The following OC90 variants were observed in gnomAD, a reference collection of about 807,000 sequenced individuals.
OC90 encodes otoconin-90.
A neutral mutation model predicts 47.3 loss-of-function variants in OC90; 46 were observed. The ratio of observed to expected loss-of-function variants is 0.97; its 90% CI spans 0.77 to 1.24. The LOEUF (loss-of-function observed/expected upper bound fraction) is 1.24, where lower values mean the gene tolerates loss of function less well. Among genes scored for constraint, OC90 ranks in the 50% most tolerant of loss-of-function variants. The pLI is 0.00. For missense variants in OC90, 688 were observed against 583.9 expected, an observed-to-expected ratio of 1.18 and a Z score of -1.84; for synonymous variants, 271 against 219.5, an observed-to-expected ratio of 1.23 and a Z score of -2.07.
chr8:132,033,852 G>A (rs1359688951), intron 10 of OC90, among the ~76,000 whole-genome samples: 1 of 152,194 alleles, frequency 6.6e-6, no homozygotes, highest in East Asian at 1.9e-4. Context: ...AACAGCAGCA[G>A]GCTCAGCCCC....
At position 132,028,686 on chromosome 8, in the gene OC90, G is replaced by GAA. The variant is rs1554613375; in HGVS notation, c.1138+386_1138+387insTT. On this transcript the variant is annotated intron_variant, in intron 13 of 13. Transcript: ENST00000254627. ...AGAAAGAGAGACAGAAAGAAAGAAA[G>GAA]AGAAAGAAAGAAAGAGAGACAGAAA... Among the ~76,000 whole-genome samples, 798 of 127,084 alleles carry GAA rather than the reference G, an allele frequency of 6.3e-3. 13 individuals are homozygous for GAA. Among genetic ancestry groups the GAA allele is most frequent in the African/African-American group, 0.025 (767 of 30,546 alleles). The allele number at this position is 127,084 out of a possible 152,430, so 83.4% of individuals were successfully genotyped here.
chr8:132,041,141 G>A lies in OC90; in HGVS notation c.360C>T (p.His120=), dbSNP rs370727342. 2.5e-5 allele frequency: 40 copies of A among 1,613,146 alleles called. No homozygotes were observed. The Middle Eastern group carries it at 5.0e-4, about 20-fold the overall frequency. ...VDESDSCCFQ[H]RRCYEEAAEM... is the part of the protein sequence containing the mutation. ...CAGCGGCCTCCTCATAGCACCTGCG[G>A]TGCTGGAAGCAGCAGCTGTAGGAAG... Residue 120 remains histidine, a synonymous_variant, in exon 6 of 14, where the codon CAC becomes CAT. Coordinates refer to ENST00000254627, the MANE Select transcript of OC90 (RefSeq NM_001080399.3).
chr8:132,042,172 G>T (rs990231213), intron 4 of OC90, among the ~76,000 whole-genome samples: 84 of 152,220 alleles, frequency 5.5e-4, no homozygotes, highest in African/African-American at 1.7e-3. Context: ...TGTGGATGAG[G>T]ATGTGCTAGC....
intron 7 of OC90, 76 bp from the exon 8 acceptor site, chr8:132,038,907 A>G: frequency 1.2e-6 from 2 of 1,606,364 alleles, no homozygotes; most frequent in South Asian, 1.1e-5. Context: ...TGGACTTGGC[A>G]TCTAGAGACA....
At position 132,044,406 on chromosome 8, in the gene OC90, A is replaced by C. The variant is rs948063759; in HGVS notation, c.169+27T>G. The C allele has an allele frequency of 5.1e-6, 7 of 1,373,674 alleles. No individual in the cohort carries two copies. The African/African-American group carries it at 8.6e-5, about 17-fold the overall frequency. The allele number at this position is 1,373,674 out of a possible 1,614,324, so 85.1% of individuals were successfully genotyped here. Reference sequence around the variant, plus strand: ...CCACACATGCTCTGACCTCTGGTGGATAAAAGCAATTTTAGACTTAACTTA... The same window carrying C: ...CCACACATGCTCTGACCTCTGGTGGCTAAAAGCAATTTTAGACTTAACTTA... On this transcript the variant is annotated intron_variant, in intron 4 of 13. Transcript: ENST00000254627.
intron 1 of OC90, among the ~76,000 whole-genome samples, chr8:132,056,257 C>G (rs914485471): frequency 3.3e-5 from 5 of 152,106 alleles, no homozygotes; most frequent in Admixed American, 2.0e-4. Context: ...TCCCAGAGAC[C>G]AAGACTGCCC....
intron 4 of OC90, among the ~76,000 whole-genome samples, chr8:132,043,872 CTGAG>C: frequency 6.6e-6 from 1 of 152,196 alleles, no homozygotes; most frequent in East Asian, 1.9e-4. Flanking sequence ...AAAAGTAATT[CTGAG>C]TGTCTTTGTT....
intron 13 of OC90, among the ~76,000 whole-genome samples, 155 bp downstream of exon 13, chr8:132,028,918 A>G (rs1023570750): frequency 2.0e-5 from 3 of 149,570 alleles, no homozygotes; most frequent in African/African-American, 7.6e-5. Flanking sequence ...AAGAGGAAGG[A>G]AGGAAGGAAG....
rs779208532 is a variant in OC90 at position 132,024,466 on chromosome 8, A to G, written c.*15T>C. ...AGCCACGCTACTGAAGGTGTTAGCC[A>G]TTTTCTCTGGGCATCTATCTTCCAT... On this transcript the variant is annotated 3_prime_UTR_variant, in exon 14 of 14. Transcript: ENST00000254627. 14 of 1,526,344 alleles carry G rather than the reference A, an allele frequency of 9.2e-6. No individual in the cohort carries two copies. Among genetic ancestry groups the G allele is most frequent in the Non-Finnish European group, 1.1e-5 (12 of 1,136,056 alleles). 94.6% of individuals were successfully genotyped at this position (1,526,344 alleles called of 1,614,324 possible).
intron 2 of OC90, chr8:132,049,829 G>A (rs772866886): frequency 3.5e-5 from 18 of 518,060 alleles, no homozygotes; most frequent in South Asian, 2.5e-4. Flanking sequence ...CACGTGACAT[G>A]GCTGTAATGT....
At position 132,045,899 on chromosome 8, in the gene OC90, A is replaced by T; in HGVS notation, c.47-16T>A. On this transcript the variant is annotated splice_polypyrimidine_tract_variant and intron_variant, in intron 2 of 13. Coordinates refer to ENST00000254627, the MANE Select transcript of OC90 (RefSeq NM_001080399.3). ...GGATGGCCTCCTATAAATAAGGAAGAGAAAGTAGGGTAAGCACAAACACTG... is the reference window on the plus strand; with the variant it reads ...GGATGGCCTCCTATAAATAAGGAAGTGAAAGTAGGGTAAGCACAAACACTG... 1 of 1,478,646 alleles carries T rather than the reference A, an allele frequency of 6.8e-7. No homozygotes were observed. Among genetic ancestry groups the T allele is most frequent in the Non-Finnish European group, 9.3e-7 (1 of 1,080,686 alleles). 91.6% of individuals were successfully genotyped at this position (1,478,646 alleles called of 1,614,324 possible). A position where few individuals can be genotyped will look rare whatever the true frequency, so the allele number is the denominator to read the frequency against.
chr8:132,053,882 C>T (rs1430813285), intron 2 of OC90, among the ~76,000 whole-genome samples: 3 of 152,214 alleles, frequency 2.0e-5, no homozygotes, highest in Admixed American at 6.5e-5. Flanking sequence ...AGAGGAAGCA[C>T]AGCAGTCACC....
chr8:132,045,192 G>A (rs1161263138), intron 3 of OC90, among the ~76,000 whole-genome samples: 1 of 152,204 alleles, frequency 6.6e-6, no homozygotes, highest in East Asian at 1.9e-4. Context: ...CTTTTCATTT[G>A]CATCTGAATG....
Position 132,039,892 on chromosome 8 carries a change from T to C in OC90, c.458-769A>G, listed in dbSNP as rs565012575. Among the ~76,000 whole-genome samples, 798 of 152,222 alleles carry C rather than the reference T, an allele frequency of 5.2e-3. 11 individuals are homozygous for C. The highest frequency in any genetic ancestry group is 0.018 in the African/African-American group (761 of 41,526). On this transcript the variant is annotated intron_variant, in intron 6 of 13. Transcript: ENST00000254627. ...CTTCCCATTTAAAGAGAACCCCCCC[T>C]TTCCCTCCACAGGCCTTTCCCCTGA...
At chr8:132,050,960 C>T (rs996051561) in intron 2 of OC90, among the ~76,000 whole-genome samples, 1 of 152,124 alleles carries the variant, frequency 6.6e-6, no homozygotes, top group African/African-American at 2.4e-5. Flanking sequence ...CGCCATTGCA[C>T]TCCAACCTGG....
intron 2 of OC90, among the ~76,000 whole-genome samples, chr8:132,054,621 T>C (rs1167788465): frequency 6.6e-6 from 1 of 152,206 alleles, no homozygotes; most frequent in East Asian, 1.9e-4. Context: ...TCAATTCACA[T>C]GTAAATGGAT....
At chr8:132,034,670 G>T in intron 10 of OC90, 111 bp downstream of exon 10, 1 of 729,478 alleles carries the variant, frequency 1.4e-6, no homozygotes, top group East Asian at 2.8e-5. Flanking sequence ...CTCCCATGCT[G>T]ACAAGGTCAT....
rs1461933358 is a variant in OC90 at position 132,045,840 on chromosome 8, A to C, written c.90T>G (p.Pro30=). 6.5e-7 allele frequency: 1 copy of C among 1,545,796 alleles called. No homozygotes were observed. The highest frequency in any genetic ancestry group is 8.8e-7 in the Non-Finnish European group (1 of 1,141,572). Residue 30 remains proline (P), a synonymous_variant, in exon 3 of 14, where the codon CCT becomes CCG. Coordinates refer to ENST00000254627, the MANE Select transcript of OC90 (RefSeq NM_001080399.3). The part of the protein sequence containing the change: ...LDTPHLPQEL[P]PGLPNNINIT... ...TACTGATATTGTTTGGGAGTCCTGG[A>C]GGCAGCTCCTGTGGAAGATGTGGAG... is the stretch of plus-strand genomic sequence containing the variant.
chr8:132,042,525 C>T (rs1042700936), intron 4 of OC90, among the ~76,000 whole-genome samples: 8 of 152,204 alleles, frequency 5.3e-5, no homozygotes, highest in Admixed American at 3.9e-4. Context: ...AGCCTATGAC[C>T]GCCTCCCTCC....
Sources: gnomAD v4.1 joint callset for allele counts (sites outside exome capture counted in the v4.1 genomes callset) on GRCh38, gnomAD v4.1.1 for gene constraint, MANE v1.5 for transcripts, NCBI Gene and HGNC (gene_info 2026-07-23, HGNC 2026-07-21) for gene names.